Variants in PLEKHM2 observed in about 807,000 individuals in gnomAD.
PLEKHM2 encodes pleckstrin homology and RUN domain containing M2, also known as pleckstrin homology domain-containing family M member 2.
PLEKHM2 carries 77 observed loss-of-function variants against 116.3 expected under a neutral mutation model. That is an observed-to-expected ratio of 0.66 (90% CI 0.55 to 0.80). The LOEUF (loss-of-function observed/expected upper bound fraction) is 0.80, where lower values mean the gene tolerates loss of function less well. PLEKHM2 is among the 30% of genes least tolerant of loss of function. The probability of loss-of-function intolerance (pLI) is 0.00; values close to 1 mark genes in which losing one functional copy is unlikely to be tolerated. For synonymous variants in PLEKHM2, 562 were observed against 571.0 expected (o/e 0.98, Z 0.22); for missense variants, 1,183 against 1,354.9 (o/e 0.87, Z 1.99).
intron 1 of PLEKHM2, among the ~76,000 whole-genome samples, chr1:15,715,060 C>T (rs1054959674): frequency 3.9e-5 from 6 of 152,180 alleles, no homozygotes; most frequent in African/African-American, 1.4e-4. Flanking sequence ...CAGCCCAGTC[C>T]AGGAACAGTG....
At chr1:15,716,640 C>T in intron 2 of PLEKHM2, 67 bp from the exon 3 acceptor site, 1 of 1,521,112 alleles carries the variant, frequency 6.6e-7, no homozygotes, top group Non-Finnish European at 8.9e-7. Context: ...CACTGCTGGA[C>T]CAGCCGACTG....
At chr1:15,717,295 T>C (rs978693342) in intron 3 of PLEKHM2, among the ~76,000 whole-genome samples, 24 of 152,098 alleles carry the variant, frequency 1.6e-4, no homozygotes, top group Admixed American at 1.4e-3. Context: ...ATGCCTGTAA[T>C]TCCAACACTT....
At chr1:15,726,954 G>A in intron 8 of PLEKHM2, 60 bp from the exon 9 acceptor site, 1 of 1,170,544 alleles carries the variant, frequency 8.5e-7, no homozygotes, top group Non-Finnish European at 1.2e-6. Context: ...GACCCAGCCT[G>A]GTTTTCCTCA....
chr1:15,728,378 G>GAAA lies in PLEKHM2; in HGVS notation c.1921+22_1921+23insAAA. On this transcript the variant is annotated intron_variant, in intron 11 of 19. Transcript: ENST00000375799. The surrounding 1 kb of genome is among the most constrained non-coding windows in gnomAD (Gnocchi z 5.9). ...GAAAGGTGCCCGCCGCCCCCGGGCA[G>GAAA]ACAGCGGGTTGTAGACGAGGCTGAC... 6.2e-7 allele frequency: 1 copy of GAAA among 1,600,278 alleles called. No individual in the cohort carries two copies. Among genetic ancestry groups the GAAA allele is most frequent in the Non-Finnish European group, 8.5e-7 (1 of 1,169,920 alleles).
chr1:15,712,647 C>G (rs1213301612), intron 1 of PLEKHM2, among the ~76,000 whole-genome samples: 1 of 147,770 alleles, frequency 6.8e-6, no homozygotes, highest in African/African-American at 2.6e-5. Flanking sequence ...ATCTTATTTT[C>G]CTTTTTTTTT....
At position 15,727,399 on chromosome 1, in the gene PLEKHM2, G is replaced by A. The variant is rs763586821; in HGVS notation, c.1327G>A (p.Gly443Arg). 1.2e-5 allele frequency: 19 copies of A among 1,604,036 alleles called. No individual in the cohort carries two copies. In the East Asian group the frequency reaches 2.3e-4, roughly 19 times the overall value. ...CCAGTCCTTTCGGACCGGCTCTCCC[G>A]GGGATGCCCCGGAGAGGCCGCCGCT... ...PDQSFRTGSPGDAPERPPLCD... is the reference protein window; with the variant it reads ...PDQSFRTGSPRDAPERPPLCD... Residue 443 changes from glycine (G) to arginine (R), a missense_variant, in exon 9 of 20, where the codon GGG becomes AGG. Coordinates refer to ENST00000375799, the MANE Select transcript of PLEKHM2 (RefSeq NM_015164.4). The surrounding 1 kb of genome is among the most constrained non-coding windows in gnomAD (Gnocchi z 7.5).
chr1:15,716,341 C>T lies in PLEKHM2; in HGVS notation c.165C>T (p.Tyr55=), dbSNP rs376237330. 2.2e-5 allele frequency: 34 copies of T among 1,579,528 alleles called. No individual in the cohort carries two copies. The highest frequency in any genetic ancestry group is 1.4e-4 in the East Asian group (6 of 44,144). Residue 55 remains tyrosine, a splice_region_variant and synonymous_variant, in exon 2 of 20, where the codon TAC becomes TAT. Transcript: ENST00000375799. ...AGCACCTGGACCACGCCCTGCTGTACGGGTAAGGTGGAGGAAGTTTCCAAA... is the reference window on the plus strand; with the variant it reads ...AGCACCTGGACCACGCCCTGCTGTATGGGTAAGGTGGAGGAAGTTTCCAAA... ...LCEHLDHALL[Y]GLQDLSSGYW... is the part of the protein sequence containing the mutation.
chr1:15,707,258 C>T (rs1482237530), intron 1 of PLEKHM2, among the ~76,000 whole-genome samples: 1 of 126,932 alleles, frequency 7.9e-6, no homozygotes, highest in Non-Finnish European at 1.6e-5. Context: ...TCCATCTCTA[C>T]AAAAAAAATA....
Position 15,720,133 on chromosome 1 carries a change from T to TAA in PLEKHM2, c.652+214_652+215insAA, listed in dbSNP as rs1427740665. 2.1e-3 allele frequency among the ~76,000 whole-genome samples: 311 copies of TAA among 146,672 alleles called. 1 individual carries two copies. The highest frequency in any genetic ancestry group is 6.9e-3 in the African/African-American group (275 of 40,040). On this transcript the variant is annotated intron_variant, in intron 6 of 19. Coordinates refer to ENST00000375799, the MANE Select transcript of PLEKHM2 (RefSeq NM_015164.4). ...CTGGGCACAAAAAGCTGAAATTATA[T>TAA]ATATATATATATATATAAAATATAT...
At position 15,726,983 on chromosome 1, in the gene PLEKHM2, G is replaced by T. The variant is rs1405008435; in HGVS notation, c.942-31G>T. The T allele has an allele frequency of 2.8e-6, 4 of 1,414,346 alleles. No individual in the cohort carries two copies. In the African/African-American group the frequency reaches 4.3e-5, roughly 15 times the overall value. The allele number at this position is 1,414,346 out of a possible 1,614,324, so 87.6% of individuals were successfully genotyped here. A position where few individuals can be genotyped will look rare whatever the true frequency, so the allele number is the denominator to read the frequency against. Reference sequence around the variant, plus strand: ...TTCCTCAGCACTGGACTACTCAGGGGTTAACACTCTCCCCGTCGTTACTGT... The same window carrying T: ...TTCCTCAGCACTGGACTACTCAGGGTTTAACACTCTCCCCGTCGTTACTGT... On this transcript the variant is annotated intron_variant, in intron 8 of 19. Coordinates refer to ENST00000375799, the MANE Select transcript of PLEKHM2 (RefSeq NM_015164.4).
rs189429573 is a variant in PLEKHM2 at position 15,700,445 on chromosome 1, G to A, written c.61-15792G>A. Among the ~76,000 whole-genome samples the A allele has an allele frequency of 4.6e-3, 702 of 152,294 alleles. 3 individuals carry two copies. Among genetic ancestry groups the A allele is most frequent in the Non-Finnish European group, 8.0e-3 (545 of 68,022 alleles). Reference sequence around the variant, plus strand: ...TAGTAGGACGCTGGCCAGAGCTAGGGTGTGCAGGAAGTGCCCCTGTCTCCC... The same window carrying A: ...TAGTAGGACGCTGGCCAGAGCTAGGATGTGCAGGAAGTGCCCCTGTCTCCC... On this transcript the variant is annotated intron_variant, in intron 1 of 19. Coordinates refer to ENST00000375799, the MANE Select transcript of PLEKHM2 (RefSeq NM_015164.4).
At position 15,688,649 on chromosome 1, in the gene PLEKHM2, C is replaced by CA. The variant is rs36016839; in HGVS notation, c.60+4049dup. On this transcript the variant is annotated intron_variant, in intron 1 of 19. Coordinates refer to ENST00000375799, the MANE Select transcript of PLEKHM2 (RefSeq NM_015164.4). ...TGGGTGACAGAGGGAGACTCTGTCT[C>CA]AAAAAAAAAAAAAAAAAAGGAAATG... Among the ~76,000 whole-genome samples the CA allele has an allele frequency of 2.9e-3, 260 of 88,576 alleles. 3 individuals carry two copies. The East Asian group carries it at 0.051, about 17-fold the overall frequency. The allele number at this position is 88,576 out of a possible 152,430, so 58.1% of individuals were successfully genotyped here.
chr1:15,706,738 C>T (rs539540664), intron 1 of PLEKHM2, among the ~76,000 whole-genome samples: 83 of 152,132 alleles, frequency 5.5e-4, no homozygotes, highest in African/African-American at 1.9e-3. Context: ...CTGGGGGCTC[C>T]GTATTTATAA....
intron 1 of PLEKHM2, among the ~76,000 whole-genome samples, chr1:15,688,559 G>A (rs1640820305): frequency 6.6e-6 from 1 of 151,464 alleles, no homozygotes; most frequent in Non-Finnish European, 1.5e-5. Context: ...GGCTGAGGCA[G>A]GGAAGCACTT....
In PLEKHM2 at chr1:15,684,386, G is replaced by A. The variant is rs1422387631; in HGVS notation, c.-173G>A. On this transcript the variant is annotated 5_prime_UTR_variant, in exon 1 of 20. Coordinates refer to ENST00000375799, the MANE Select transcript of PLEKHM2 (RefSeq NM_015164.4). ...GCCTCCGGGCCGCGGTGGAGCGAGG[G>A]CCCAGGCGAGGCGAGGGCCGGGCGG... 7 of 179,362 alleles carry A rather than the reference G, an allele frequency of 3.9e-5. No homozygotes were observed. The highest frequency in any genetic ancestry group is 6.2e-5 in the Non-Finnish European group (6 of 96,152). The allele number at this position is 179,362 out of a possible 1,614,324, so 11.1% of individuals were successfully genotyped here.
rs535221752 is a variant in PLEKHM2 at position 15,730,777 on chromosome 1, G to A, written c.2399+55G>A. On this transcript the variant is annotated intron_variant, in intron 15 of 19. Transcript: ENST00000375799. ...GCTTGGGCCCTGGGGTGGCTGGGCTGTCAGGTCCCCAGCGGGGATCTCTCC... is the reference window on the plus strand; with the variant it reads ...GCTTGGGCCCTGGGGTGGCTGGGCTATCAGGTCCCCAGCGGGGATCTCTCC... 2.8e-5 allele frequency: 40 copies of A among 1,430,788 alleles called. No individual in the cohort carries two copies. In the South Asian group the frequency reaches 5.0e-4, roughly 18 times the overall value. 88.6% of individuals were successfully genotyped at this position (1,430,788 alleles called of 1,614,324 possible). A position where few individuals can be genotyped will look rare whatever the true frequency, so the allele number is the denominator to read the frequency against.
In PLEKHM2 at chr1:15,727,741, C is replaced by A; in HGVS notation, c.1669C>A (p.Gln557Lys). The A allele has an allele frequency of 6.2e-7, 1 of 1,602,142 alleles. No individual in the cohort carries two copies. The highest frequency in any genetic ancestry group is 8.5e-7 in the Non-Finnish European group (1 of 1,175,284). ...QEVLCQLKRD[Q>K]PSPCLSSAED... ...GGTTCTCTGCCAGCTCAAGCGAGAC[C>A]AGCCCAGCCCGTGTCTGAGTAGCGC... is the stretch of plus-strand genomic sequence containing the variant. Residue 557 changes from glutamine to lysine, a missense_variant, in exon 9 of 20, where the codon CAG becomes AAG. Gln to Lys is a moderately conservative substitution (Grantham distance 53). Around this residue, in one of 3 missense-constraint regions of PLEKHM2, gnomAD observed 594 missense variants for 720.1 expected, o/e 0.82. Transcript: ENST00000375799. The surrounding 1 kb of genome is among the most constrained non-coding windows in gnomAD (Gnocchi z 7.5).
At chr1:15,684,063 GGGAGGGTCTCTGA>G (rs1182340041), upstream of PLEKHM2, among the ~76,000 whole-genome samples, 1 of 149,726 alleles carries the variant, frequency 6.7e-6, no homozygotes, top group African/African-American at 2.5e-5. Context: ...GGAGGGCTTG[GGGAGGGTCTCTGA>G]GGAGCCCCGA....
At chr1:15,715,380 G>A (rs1309985203) in intron 1 of PLEKHM2, among the ~76,000 whole-genome samples, 4 of 151,872 alleles carry the variant, frequency 2.6e-5, no homozygotes, top group Non-Finnish European at 5.9e-5. Context: ...AGTGGCTCAC[G>A]CCTGTAATCG....
Sources: allele counts gnomAD v4.1 joint callset (sites outside exome capture counted in the v4.1 genomes callset), GRCh38; gene constraint gnomAD v4.1.1; regional missense constraint gnomAD v4.1.1; non-coding constraint Gnocchi (gnomAD v3.1); transcripts MANE v1.5; gene names NCBI Gene and HGNC (gene_info 2026-07-23, HGNC 2026-07-21).